Variants in NFILZ observed in about 807,000 individuals in gnomAD.
NFILZ encodes the protein NFIL3 like protein.
chr19:8,660,020 T>TAC (rs2043022481), intron 3 of NFILZ, among the ~76,000 whole-genome samples: 1 of 152,086 alleles, frequency 6.6e-6, no homozygotes, highest in Non-Finnish European at 1.5e-5. Flanking sequence ...AGTCCTGAGC[T>TAC]ACAACACCGG....
chr19:8,672,962 G>C (rs1181826115), intron 3 of NFILZ, among the ~76,000 whole-genome samples: 1 of 152,062 alleles, frequency 6.6e-6, no homozygotes, highest in Non-Finnish European at 1.5e-5. Context: ...TGGGTTTGTG[G>C]GGGACAAGGG....
intron 3 of NFILZ, among the ~76,000 whole-genome samples, chr19:8,670,752 T>C (rs1362437587): frequency 2.0e-5 from 3 of 152,096 alleles, no homozygotes; most frequent in Non-Finnish European, 4.4e-5. Context: ...CCCAGCACTT[T>C]GGGAGGCTGA....
chr19:8,675,805 C>T (rs1168289618), intron 4 of NFILZ, among the ~76,000 whole-genome samples: 1 of 151,862 alleles, frequency 6.6e-6, no homozygotes, highest in African/African-American at 2.4e-5. Context: ...AATGGATGGA[C>T]CCATGGATGA....
chr19:8,656,335 TTC>T (rs2042996061), intron 3 of NFILZ, among the ~76,000 whole-genome samples: 5 of 24,954 alleles, frequency 2.0e-4, no homozygotes, highest in South Asian at 1.3e-3. Context: ...AGCCCCCTTC[TTC>T]CTGAAGCCCA....
At chr19:8,666,800 C>T (rs1282471423) in intron 3 of NFILZ, among the ~76,000 whole-genome samples, 1 of 152,046 alleles carries the variant, frequency 6.6e-6, no homozygotes, top group African/African-American at 2.4e-5. Context: ...GTGGTGTGAT[C>T]ACAGCTCACT....
chr19:8,671,843 G>A (rs2043088406), intron 3 of NFILZ, among the ~76,000 whole-genome samples: 1 of 152,190 alleles, frequency 6.6e-6, no homozygotes, highest in Non-Finnish European at 1.5e-5. Context: ...CCAAGACAGG[G>A]CCAGGAATGT....
chr19:8,651,924 A>G (rs536902971), intron 3 of NFILZ, among the ~76,000 whole-genome samples: 5 of 152,066 alleles, frequency 3.3e-5, no homozygotes, highest in South Asian at 2.1e-4. Flanking sequence ...TCAACTATCT[A>G]CTTTCATTTG....
At chr19:8,653,038 TTCTCTCTCTCTCTCTCTCTCTC>T (rs1163296485) in intron 3 of NFILZ, among the ~76,000 whole-genome samples, 21 of 90,586 alleles carry the variant, frequency 2.3e-4, no homozygotes, top group African/African-American at 6.1e-4. Context: ...CTTTCTTTCT[TTCTCTCTCTCTCTCTCTCTCTC>T]TCTCTCTCTC....
intron 3 of NFILZ, among the ~76,000 whole-genome samples, chr19:8,654,218 G>A (rs2042981738): frequency 6.7e-6 from 1 of 150,190 alleles, no homozygotes; most frequent in South Asian, 2.1e-4. Flanking sequence ...GGCAACAAGA[G>A]TGAAATTCTG....
At chr19:8,656,488 A>C (rs1294911209) in intron 3 of NFILZ, among the ~76,000 whole-genome samples, 6 of 52,478 alleles carry the variant, frequency 1.1e-4, no homozygotes, top group East Asian at 8.9e-4. Flanking sequence ...CCCGCAGCCC[A>C]CCTTCTCCCG....
rs1204951294 is a variant in NFILZ at position 8,679,965 on chromosome 19, A to T, written c.*2330A>T. Among the ~76,000 whole-genome samples, 5 of 152,132 alleles carry T rather than the reference A, an allele frequency of 3.3e-5. No homozygotes were observed. Among genetic ancestry groups the T allele is most frequent in the Non-Finnish European group, 5.9e-5 (4 of 68,040 alleles). On this transcript the variant is annotated 3_prime_UTR_variant, in exon 6 of 6. Transcript: ENST00000691075. Reference sequence around the variant, plus strand: ...TCCTAGCACTTTGGGAGGCCAAGGCAGATGGATCTCACTTGAGGTCAGGAG... The same window carrying T: ...TCCTAGCACTTTGGGAGGCCAAGGCTGATGGATCTCACTTGAGGTCAGGAG...
intron 3 of NFILZ, among the ~76,000 whole-genome samples, chr19:8,653,040 C>CTTTCTTTCTT (rs1263390932): frequency 3.9e-4 from 25 of 63,344 alleles, no homozygotes; most frequent in African/African-American, 7.5e-4. Flanking sequence ...TTCTTTCTTT[C>CTTTCTTTCTT]TCTCTCTCTC....
intron 3 of NFILZ, among the ~76,000 whole-genome samples, chr19:8,641,776 A>G (rs1555746690): frequency 1.3e-5 from 2 of 152,092 alleles, no homozygotes; most frequent in African/African-American, 4.8e-5. Flanking sequence ...TGCTATGAGG[A>G]TCACATGACA....
intron 3 of NFILZ, among the ~76,000 whole-genome samples, chr19:8,650,159 AG>A (rs1431504610): frequency 7.3e-5 from 11 of 151,374 alleles, no homozygotes; most frequent in Admixed American, 3.9e-4. Context: ...GTTACAGCTG[AG>A]GTTTTTTTTT....
chr19:8,648,680 A>G (rs2042952723), intron 3 of NFILZ, among the ~76,000 whole-genome samples: 1 of 151,636 alleles, frequency 6.6e-6, no homozygotes, highest in African/African-American at 2.4e-5. Context: ...AACAAAACAA[A>G]CAAACAAACA....
intron 3 of NFILZ, among the ~76,000 whole-genome samples, chr19:8,642,494 A>G (rs1166385099): frequency 1.3e-5 from 2 of 152,086 alleles, no homozygotes; most frequent in Admixed American, 6.6e-5. Context: ...GAGTTTAGCC[A>G]GGCGGTTCTT....
At chr19:8,675,207 AGCCCTCAGT>A (rs1479850454) in intron 4 of NFILZ, among the ~76,000 whole-genome samples, 2 of 152,230 alleles carry the variant, frequency 1.3e-5, no homozygotes, top group Non-Finnish European at 2.9e-5. Context: ...ATCGGTTTTC[AGCCCTCAGT>A]GCCCCTTCTT....
chr19:8,638,731 C>A (rs2042906215), intron 3 of NFILZ: 1 of 151,510 alleles, frequency 6.6e-6, no homozygotes, highest in Non-Finnish European at 1.5e-5. Context: ...GGGGGACCTC[C>A]CGGGGAAGGT....
intron 2 of NFILZ, among the ~76,000 whole-genome samples, chr19:8,633,787 G>T (rs1253392152): frequency 6.6e-6 from 1 of 152,162 alleles, no homozygotes; most frequent in Non-Finnish European, 1.5e-5. Flanking sequence ...GACAGATGTC[G>T]AGGCTGGACA....
Sources: gnomAD v4.1 joint callset for allele counts (sites outside exome capture counted in the v4.1 genomes callset) on GRCh38, gnomAD v4.1.1 for gene constraint, MANE v1.5 for transcripts, NCBI Gene and HGNC (gene_info 2026-07-23, HGNC 2026-07-21) for gene names.